The following HACE1 variants were observed in gnomAD, a reference collection of about 807,000 sequenced individuals.
HACE1 encodes the protein HECT domain and ankyrin repeat containing E3 ubiquitin protein ligase 1.
Under a neutral mutation model 118.4 loss-of-function variants are expected in HACE1, and 73 were observed. The observed-to-expected ratio is 0.62, with a 90% CI of 0.51 to 0.75. The LOEUF is 0.75. HACE1 is among the 30% of genes least tolerant of loss of function. The probability of loss-of-function intolerance (pLI) is 0.00; values close to 1 mark genes in which losing one functional copy is unlikely to be tolerated. For missense variants in HACE1, 749 were observed against 1,102.2 expected, an observed-to-expected ratio of 0.68 and a Z score of 4.54; for synonymous variants, 368 against 374.8, an observed-to-expected ratio of 0.98 and a Z score of 0.21.
At chr6:104,829,036 A>G (rs1562463986) in intron 6 of HACE1, among the ~76,000 whole-genome samples, 1 of 151,962 alleles carries the variant, frequency 6.6e-6, no homozygotes, top group Non-Finnish European at 1.5e-5. Context: ...TTCTTAATGG[A>G]ATTTTTTCCC....
rs146105083 is a variant in HACE1, at chr6:104,746,638, A to C, written c.2344-2028T>G. On this transcript the variant is annotated intron_variant, in intron 20 of 23. Coordinates refer to ENST00000262903, the MANE Select transcript of HACE1 (RefSeq NM_020771.4). ...TCTACCTGTCTCTTCAGTCCTAGGGATGATAAAGGCTTTCCCTGTTGCCAG... is the reference window on the plus strand; with the variant it reads ...TCTACCTGTCTCTTCAGTCCTAGGGCTGATAAAGGCTTTCCCTGTTGCCAG... Among the ~76,000 whole-genome samples, 828 of 152,198 alleles carry C rather than the reference A, an allele frequency of 5.4e-3. 10 individuals carry two copies. The highest frequency in any genetic ancestry group is 0.019 in the African/African-American group (800 of 41,534).
chr6:104,792,438 G>A (rs1783123940), intron 10 of HACE1, among the ~76,000 whole-genome samples: 1 of 152,180 alleles, frequency 6.6e-6, no homozygotes, highest in Non-Finnish European at 1.5e-5. Flanking sequence ...AACTGTACGA[G>A]TTAGGCTAAA....
chr6:104,857,396 A>C (rs1776832350), intron 1 of HACE1, among the ~76,000 whole-genome samples: 1 of 151,586 alleles, frequency 6.6e-6, no homozygotes, highest in South Asian at 2.1e-4. Flanking sequence ...TACTAATAAT[A>C]CTCTAGTTTC....
At chr6:104,847,651 T>G (rs1404734103) in intron 4 of HACE1, among the ~76,000 whole-genome samples, 1 of 152,172 alleles carries the variant, frequency 6.6e-6, no homozygotes, top group Non-Finnish European at 1.5e-5. Flanking sequence ...CTCGGATTGA[T>G]GTAATGGACA....
intron 22 of HACE1, among the ~76,000 whole-genome samples, chr6:104,740,128 C>G (rs1297898966): frequency 6.7e-6 from 1 of 148,456 alleles, no homozygotes; most frequent in East Asian, 1.9e-4. Context: ...ATGAGAACAA[C>G]GACACAACAT....
intron 11 of HACE1, among the ~76,000 whole-genome samples, chr6:104,789,819 A>G (rs1411460076): frequency 6.6e-6 from 1 of 152,190 alleles, no homozygotes; most frequent in Non-Finnish European, 1.5e-5. Context: ...AATCATGGGT[A>G]GATTCCGTCA....
intron 5 of HACE1, among the ~76,000 whole-genome samples, chr6:104,836,950 C>A (rs972156699): frequency 1.3e-5 from 2 of 152,126 alleles, no homozygotes; most frequent in African/African-American, 2.4e-5. Flanking sequence ...AAAACATGCA[C>A]AAAATCCCCA....
rs1244319180 is a variant in HACE1 at position 104,728,276 on chromosome 6, CAATTA to C, written c.*1381_*1385del. ...AAAACTCAGAAGGCAGTGACTTCTA[CAATTA>C]AATTTCAAAAAATCAAAACATAAAA... On this transcript the variant is annotated 3_prime_UTR_variant, in exon 24 of 24. Coordinates refer to ENST00000262903, the MANE Select transcript of HACE1 (RefSeq NM_020771.4). 1.3e-5 allele frequency: 2 copies of C among 152,044 alleles called. No homozygotes were observed. The highest frequency in any genetic ancestry group is 4.8e-5 in the African/African-American group (2 of 41,398). 9.4% of individuals were successfully genotyped at this position (152,044 alleles called of 1,614,324 possible).
chr6:104,834,254 T>A (rs781498916), intron 5 of HACE1, among the ~76,000 whole-genome samples: 1 of 152,212 alleles, frequency 6.6e-6, no homozygotes, highest in Non-Finnish European at 1.5e-5. Flanking sequence ...CTGGACTCTA[T>A]GCATAGTTTG....
chr6:104,784,621 A>T (rs1782147532), intron 12 of HACE1, 136 bp from the exon 13 acceptor site: 1 of 648,658 alleles, frequency 1.5e-6, no homozygotes, highest in Non-Finnish European at 2.7e-6. Flanking sequence ...TCTTCTTTGT[A>T]AGTTTAGGAA....
chr6:104,780,865 T>G (rs1781661702), intron 14 of HACE1, among the ~76,000 whole-genome samples: 1 of 152,196 alleles, frequency 6.6e-6, no homozygotes. Context: ...TTTCTTAATT[T>G]TCATAACCTT....
At chr6:104,851,362 G>A (rs751332809) in intron 2 of HACE1, among the ~76,000 whole-genome samples, 1 of 152,202 alleles carries the variant, frequency 6.6e-6, no homozygotes, top group Non-Finnish European at 1.5e-5. Context: ...GATTACAGGC[G>A]TGAGCCACCC....
At chr6:104,795,480 T>C (rs1455289877) in intron 10 of HACE1, 99 bp downstream of exon 10, 1 of 788,612 alleles carries the variant, frequency 1.3e-6, no homozygotes, top group Non-Finnish European at 2.2e-6. Flanking sequence ...TATAACATCG[T>C]TATCACTGAC....
intron 23 of HACE1, among the ~76,000 whole-genome samples, chr6:104,730,084 T>C (rs752413153): frequency 1.3e-5 from 2 of 152,154 alleles, no homozygotes; most frequent in Non-Finnish European, 2.9e-5. Flanking sequence ...ACTTGAACTA[T>C]AGTCAATTAA....
chr6:104,744,041 G>A (rs2114510017), intron 22 of HACE1, 119 bp downstream of exon 22: 1 of 714,272 alleles, frequency 1.4e-6, no homozygotes, highest in Non-Finnish European at 2.5e-6. Context: ...CTAAAACAGT[G>A]GAAAGGGTGG....
At chr6:104,833,582 G>A (rs1204766740) in intron 5 of HACE1, among the ~76,000 whole-genome samples, 7 of 152,116 alleles carry the variant, frequency 4.6e-5, no homozygotes, top group Non-Finnish European at 8.8e-5. Context: ...GGTGACTCAC[G>A]TTTGTAATCC....
At position 104,858,555 on chromosome 6, in the gene HACE1, T is replaced by C. The variant is rs763883945; in HGVS notation, c.76+1012A>G. On this transcript the variant is annotated intron_variant, in intron 1 of 23. Transcript: ENST00000262903. ...TCTCTATAAAAGAAAGGAAAGAAAA[T>C]TATCGCCAAAGTACCCAATCCCACA... is the stretch of plus-strand genomic sequence containing the variant. The C allele has an allele frequency of 1.4e-5, 5 of 347,440 alleles. No homozygotes were observed. The Admixed American group carries it at 1.5e-4, about 10-fold the overall frequency. 21.5% of individuals were successfully genotyped at this position (347,440 alleles called of 1,614,324 possible).
At chr6:104,806,015 A>G (rs1770957600) in intron 7 of HACE1, among the ~76,000 whole-genome samples, 2 of 152,360 alleles carry the variant, frequency 1.3e-5, no homozygotes, top group African/African-American at 2.4e-5. Flanking sequence ...AAGGTAAATA[A>G]TAAAGCCTCA....
At chr6:104,762,720 G>A (rs1220213214) in intron 19 of HACE1, among the ~76,000 whole-genome samples, 2 of 152,020 alleles carry the variant, frequency 1.3e-5, no homozygotes, top group Admixed American at 6.5e-5. Flanking sequence ...GCCGGGCGCG[G>A]TAGCTCACAC....
Sources: gnomAD v4.1 joint callset for allele counts (sites outside exome capture counted in the v4.1 genomes callset) on GRCh38, gnomAD v4.1.1 for gene constraint, MANE v1.5 for transcripts, NCBI Gene and HGNC (gene_info 2026-07-23, HGNC 2026-07-21) for gene names.